The following SSH2 variants were observed in gnomAD, a reference collection of about 807,000 sequenced individuals.
SSH2 encodes the protein slingshot protein phosphatase 2.
SSH2 carries 37 observed loss-of-function variants against 135.2 expected under a neutral mutation model. The observed-to-expected ratio is 0.27, with a 90% CI of 0.21 to 0.36. The LOEUF (loss-of-function observed/expected upper bound fraction) is 0.36. SSH2 is among the 10% of genes least tolerant of loss of function. The pLI, the probability that SSH2 is intolerant of heterozygous loss-of-function variation, is 1.00. For missense variants in SSH2, 1,408 were observed against 1,765.3 expected (o/e 0.80, Z 3.63); for synonymous variants, 628 against 646.2 (o/e 0.97, Z 0.43).
At chr17:29,806,560 T>C (rs1436540339) in intron 2 of SSH2, among the ~76,000 whole-genome samples, 1 of 152,212 alleles carries the variant, frequency 6.6e-6, no homozygotes, top group Non-Finnish European at 1.5e-5. Flanking sequence ...AGCCAATACA[T>C]ACTGATACAG....
intron 5 of SSH2, among the ~76,000 whole-genome samples, chr17:29,686,815 C>T (rs2038243430): frequency 1.3e-5 from 2 of 152,206 alleles, no homozygotes; most frequent in South Asian, 2.1e-4. Context: ...ATTACAGGCA[C>T]ATGCCACCAT....
chr17:29,927,977 C>T (rs1433606221), intron 1 of SSH2, among the ~76,000 whole-genome samples: 1 of 152,198 alleles, frequency 6.6e-6, no homozygotes, highest in Non-Finnish European at 1.5e-5. Context: ...CTAATGAAGT[C>T]ATATCAAGTG....
At chr17:29,666,620 T>C (rs1260409974) in intron 11 of SSH2, among the ~76,000 whole-genome samples, 3 of 152,044 alleles carry the variant, frequency 2.0e-5, no homozygotes, top group South Asian at 4.2e-4. Flanking sequence ...GAGGCAGAGA[T>C]TGTAGTGAGA....
At chr17:29,910,095 G>A (rs2066737950) in intron 1 of SSH2, among the ~76,000 whole-genome samples, 2 of 152,236 alleles carry the variant, frequency 1.3e-5, no homozygotes, top group East Asian at 1.9e-4. Flanking sequence ...ACAGGTGTGT[G>A]CCACCACAAT....
intron 3 of SSH2, among the ~76,000 whole-genome samples, chr17:29,786,462 A>G (rs1017137760): frequency 1.3e-5 from 2 of 152,154 alleles, no homozygotes; most frequent in Non-Finnish European, 2.9e-5. Context: ...TTTGCCCCAT[A>G]AATCCCATTA....
intron 3 of SSH2, among the ~76,000 whole-genome samples, chr17:29,787,159 C>CA (rs1292859624): frequency 6.6e-6 from 1 of 152,214 alleles, no homozygotes; most frequent in East Asian, 1.9e-4. Flanking sequence ...ATCCATCCCC[C>CA]AGTCACCATT....
At chr17:29,729,620 G>T (rs2151184039) in intron 3 of SSH2, among the ~76,000 whole-genome samples, 1 of 152,302 alleles carries the variant, frequency 6.6e-6, no homozygotes, top group East Asian at 1.9e-4. Context: ...CAATAGCCAA[G>T]ATTTGCAAGT....
At chr17:29,815,686 C>T (rs1281529136) in intron 2 of SSH2, among the ~76,000 whole-genome samples, 1 of 152,210 alleles carries the variant, frequency 6.6e-6, no homozygotes, top group Admixed American at 6.5e-5. Flanking sequence ...CCTCTGCTGG[C>T]AGGTGGCTGG....
At chr17:29,803,867 G>A (rs1218429948) in intron 2 of SSH2, among the ~76,000 whole-genome samples, 2 of 152,150 alleles carry the variant, frequency 1.3e-5, no homozygotes, top group African/African-American at 2.4e-5. Flanking sequence ...ATAAAGAAGT[G>A]TTCTCTTTAT....
At chr17:29,898,956 G>GA (rs2066495553) in intron 1 of SSH2, among the ~76,000 whole-genome samples, 1 of 152,128 alleles carries the variant, frequency 6.6e-6, no homozygotes, top group African/African-American at 2.4e-5. Context: ...TCATCCCTGG[G>GA]ATGCAAGACT....
At chr17:29,819,324 T>G (rs1158630210) in intron 2 of SSH2, among the ~76,000 whole-genome samples, 1 of 152,228 alleles carries the variant, frequency 6.6e-6, no homozygotes, top group Non-Finnish European at 1.5e-5. Flanking sequence ...ATTACTTGCC[T>G]AATTTCCTAA....
chr17:29,661,061 CAAAAAAAAAA>C (rs374216221), intron 11 of SSH2, among the ~76,000 whole-genome samples: 1 of 48,332 alleles, frequency 2.1e-5, no homozygotes. Flanking sequence ...AATTCCATCT[CAAAAAAAAAA>C]AAAAAAAAAA....
chr17:29,770,629 C>T (rs1477681403), intron 3 of SSH2, among the ~76,000 whole-genome samples: 1 of 151,950 alleles, frequency 6.6e-6, no homozygotes, highest in African/African-American at 2.4e-5. Flanking sequence ...TGCACCACCA[C>T]GCCCAGGTAA....
intron 14 of SSH2, among the ~76,000 whole-genome samples, chr17:29,642,419 G>A (rs1455548954): frequency 6.6e-6 from 1 of 151,920 alleles, no homozygotes; most frequent in Non-Finnish European, 1.5e-5. Context: ...CAGACACACG[G>A]TCCAACTTGC....
chr17:29,761,867 G>GTGTGTGTGTGTT (rs1224851261), intron 3 of SSH2, among the ~76,000 whole-genome samples: 1 of 132,270 alleles, frequency 7.6e-6, no homozygotes, highest in Non-Finnish European at 1.6e-5. Flanking sequence ...GTGTGTGTGT[G>GTGTGTGTGTGTT]TGTGTATATA....
At chr17:29,679,204 A>G (rs2037861425) in intron 6 of SSH2, among the ~76,000 whole-genome samples, 1 of 152,026 alleles carries the variant, frequency 6.6e-6, no homozygotes, top group East Asian at 1.9e-4. Flanking sequence ...CACTCTGGCT[A>G]GTCTCCGAAA....
chr17:29,895,190 T>C (rs1417924646), intron 1 of SSH2, among the ~76,000 whole-genome samples: 1 of 144,832 alleles, frequency 6.9e-6, no homozygotes, highest in Non-Finnish European at 1.5e-5. Flanking sequence ...ATATATTTTA[T>C]ATACATTATA....
intron 1 of SSH2, among the ~76,000 whole-genome samples, chr17:29,891,735 A>G (rs1266435755): frequency 6.6e-6 from 1 of 152,216 alleles, no homozygotes; most frequent in African/African-American, 2.4e-5. Flanking sequence ...AAAAAAGTAC[A>G]GAGCAGAACC....
At chr17:29,803,515 C>T (rs1599021282) in intron 2 of SSH2, among the ~76,000 whole-genome samples, 1 of 152,120 alleles carries the variant, frequency 6.6e-6, no homozygotes, top group Non-Finnish European at 1.5e-5. Context: ...ACTAGTCATC[C>T]TAAAGGCTAG....
Sources: allele counts gnomAD v4.1 joint callset (sites outside exome capture counted in the v4.1 genomes callset), GRCh38; gene constraint gnomAD v4.1.1; transcripts MANE v1.5; gene names NCBI Gene and HGNC (gene_info 2026-07-23, HGNC 2026-07-21).